The following ERO1A variants were observed in gnomAD, a reference collection of about 807,000 sequenced individuals.
ERO1A encodes the protein ERO1-like protein alpha.
ERO1A carries 49 observed loss-of-function variants against 76.9 expected under a neutral mutation model. The observed-to-expected ratio is 0.64, with a 90% confidence interval of 0.51 to 0.81. The LOEUF is 0.81. Ranked by LOEUF, ERO1A falls within the 30% of genes least tolerant of loss-of-function variation. ERO1A has a pLI of 0.00. For synonymous variants in ERO1A, 174 were observed against 181.2 expected, an observed-to-expected ratio of 0.96 and a Z score of 0.32; for missense variants, 448 against 542.1, an observed-to-expected ratio of 0.83 and a Z score of 1.72.
At chr14:52,662,538 AG>A (rs1389554967) in intron 8 of ERO1A, among the ~76,000 whole-genome samples, 1 of 152,252 alleles carries the variant, frequency 6.6e-6, no homozygotes. Context: ...TTAATCAGTA[AG>A]CACATATTTG....
chr14:52,643,234 T>C lies in ERO1A; in HGVS notation c.*336A>G. 6.2e-6 allele frequency: 1 copy of C among 162,084 alleles called. No individual in the cohort carries two copies. Among genetic ancestry groups the C allele is most frequent in the South Asian group, 2.0e-4 (1 of 4,946 alleles). The allele number at this position is 162,084 out of a possible 1,614,324, so 10.0% of individuals were successfully genotyped here. On this transcript the variant is annotated 3_prime_UTR_variant, in exon 16 of 16. Transcript: ENST00000395686. ...GCTTGTCACATTTACCATAGTTTTA[T>C]TTATATTACATATTATTACATAAAA...
chr14:52,688,148 T>C (rs2041238400), intron 1 of ERO1A, among the ~76,000 whole-genome samples: 1 of 151,652 alleles, frequency 6.6e-6, no homozygotes, highest in South Asian at 2.1e-4. Context: ...ATCATGCCAA[T>C]GTACTCCAGC....
intron 6 of ERO1A, among the ~76,000 whole-genome samples, chr14:52,667,217 A>G (rs778637560): frequency 6.6e-5 from 10 of 152,212 alleles, no homozygotes; most frequent in Non-Finnish European, 1.5e-4. Context: ...GACCACCAGC[A>G]GATCCAATCT....
intron 13 of ERO1A, chr14:52,647,054 C>T (rs1337293179): frequency 7.6e-6 from 1 of 131,982 alleles, no homozygotes; most frequent in Non-Finnish European, 1.5e-5. Flanking sequence ...TCGCTCACTG[C>T]AAGCTCTGCC....
Position 52,690,292 on chromosome 14 carries a change from T to A in ERO1A, c.114+5076A>T, listed in dbSNP as rs550375508. Among the ~76,000 whole-genome samples the A allele has an allele frequency of 2.6e-5, 4 of 151,530 alleles. No homozygotes were observed. In the South Asian group the frequency reaches 8.4e-4, roughly 32 times the overall value. On this transcript the variant is annotated intron_variant, in intron 1 of 15. Coordinates refer to ENST00000395686, the MANE Select transcript of ERO1A (RefSeq NM_014584.3). ...AGTGGGACTACATGCAACTAAAATG[T>A]TTCTATGTAACAAAGAAACAAGCAA...
chr14:52,647,986 A>T (rs568044978), intron 13 of ERO1A, among the ~76,000 whole-genome samples: 1 of 152,298 alleles, frequency 6.6e-6, no homozygotes, highest in Non-Finnish European at 1.5e-5. Flanking sequence ...GGAAACCTCA[A>T]TTTGCTCTGG....
In ERO1A at chr14:52,643,335, A is replaced by G; in HGVS notation, c.*235T>C. ...TAATCCTCCTTTTATTCAATATTAA[A>G]CTTTAAAATTTGTACCACATTATTA... On this transcript the variant is annotated 3_prime_UTR_variant, in exon 16 of 16. Transcript: ENST00000395686. 1 of 318,418 alleles carries G rather than the reference A, an allele frequency of 3.1e-6. No individual in the cohort carries two copies. Among genetic ancestry groups the G allele is most frequent in the South Asian group, 1.2e-4 (1 of 8,108 alleles). The allele number at this position is 318,418 out of a possible 1,614,324, so 19.7% of individuals were successfully genotyped here.
intron 3 of ERO1A, among the ~76,000 whole-genome samples, chr14:52,680,340 G>A (rs904994618): frequency 6.6e-6 from 1 of 152,142 alleles, no homozygotes; most frequent in African/African-American, 2.4e-5. Context: ...TCATCAGTCT[G>A]TCAACTGATG....
intron 8 of ERO1A, among the ~76,000 whole-genome samples, chr14:52,662,256 A>G (rs2040256865): frequency 1.3e-5 from 2 of 152,148 alleles, no homozygotes; most frequent in African/African-American, 4.8e-5. Flanking sequence ...GATCATAATG[A>G]TCACCTCTTT....
chr14:52,695,337 G>T, intron 1 of ERO1A, 31 bp downstream of exon 1: 1 of 1,353,646 alleles, frequency 7.4e-7, no homozygotes, highest in Admixed American at 3.0e-5. Context: ...AGGGCGCCGG[G>T]ACCCTCAGCA....
At chr14:52,678,516 C>A in intron 3 of ERO1A, 44 bp from the exon 4 acceptor site, 6 of 1,453,000 alleles carry the variant, frequency 4.1e-6, no homozygotes, top group Non-Finnish European at 5.7e-6. Flanking sequence ...TTTATTCTAT[C>A]TTCTTAAAAC....
chr14:52,683,840 A>T lies in ERO1A; in HGVS notation c.182T>A (p.Leu61His). Residue 61 changes from leucine (L) to histidine (H), a missense_variant, in exon 2 of 16, where the codon CTT becomes CAT. Around this residue, in one of 2 missense-constraint regions of ERO1A, gnomAD observed 146 missense variants for 130.2 expected, o/e 1.12. Coordinates refer to ENST00000395686, the MANE Select transcript of ERO1A (RefSeq NM_014584.3). ...ETIDRFNNYR[L>H]FPRLQKLLES... ...AAGAAGTTTTTGTAGTCTTGGGAAA[A>T]GCCTGTAGTTATTAAATCTATCAAT... is the stretch of plus-strand genomic sequence containing the variant. 6.3e-7 allele frequency: 1 copy of T among 1,580,852 alleles called. No individual in the cohort carries two copies. The highest frequency in any genetic ancestry group is 8.7e-7 in the Non-Finnish European group (1 of 1,155,136).
At chr14:52,650,559 T>G (rs1171192377) in intron 13 of ERO1A, among the ~76,000 whole-genome samples, 1 of 151,980 alleles carries the variant, frequency 6.6e-6, no homozygotes, top group Non-Finnish European at 1.5e-5. Context: ...TGATTTCATA[T>G]GTACATATAT....
chr14:52,684,465 G>C (rs1324582992), intron 1 of ERO1A, among the ~76,000 whole-genome samples: 2 of 152,168 alleles, frequency 1.3e-5, no homozygotes, highest in Non-Finnish European at 2.9e-5. Flanking sequence ...GTAGGAGATA[G>C]AGTATATGCT....
At chr14:52,660,423 T>C (rs2040194366) in intron 9 of ERO1A, among the ~76,000 whole-genome samples, 1 of 152,218 alleles carries the variant, frequency 6.6e-6, no homozygotes, top group Non-Finnish European at 1.5e-5. Flanking sequence ...ATAAGGTTAC[T>C]TGAAACTGAA....
chr14:52,668,683 C>G (rs544094353), intron 6 of ERO1A, among the ~76,000 whole-genome samples: 12 of 150,304 alleles, frequency 8.0e-5, no homozygotes, highest in African/African-American at 2.9e-4. Context: ...TTTGTTGCCT[C>G]ATAATTCTAC....
intron 9 of ERO1A, among the ~76,000 whole-genome samples, chr14:52,661,067 C>A (rs2040217629): frequency 6.6e-6 from 1 of 152,136 alleles, no homozygotes; most frequent in Non-Finnish European, 1.5e-5. Flanking sequence ...GTAAAATGTG[C>A]AAATGAATGA....
At chr14:52,684,467 G>A (rs1054701312) in intron 1 of ERO1A, among the ~76,000 whole-genome samples, 3 of 152,164 alleles carry the variant, frequency 2.0e-5, no homozygotes, top group African/African-American at 7.2e-5. Context: ...AGGAGATAGA[G>A]TATATGCTAC....
intron 4 of ERO1A, among the ~76,000 whole-genome samples, chr14:52,674,866 T>G (rs1354975773): frequency 3.3e-5 from 5 of 152,232 alleles, no homozygotes; most frequent in African/African-American, 1.2e-4. Context: ...CACATTTCAT[T>G]GTATGGTAAT....
Sources: allele counts gnomAD v4.1 joint callset (sites outside exome capture counted in the v4.1 genomes callset), GRCh38; gene constraint gnomAD v4.1.1; regional missense constraint gnomAD v4.1.1; transcripts MANE v1.5; gene names NCBI Gene and HGNC (gene_info 2026-07-23, HGNC 2026-07-21).